Variants in SQSTM1 observed in about 807,000 individuals in gnomAD.
SQSTM1 encodes the protein sequestosome-1.
Under a neutral mutation model 45.1 loss-of-function variants are expected in SQSTM1, and 36 were observed. The ratio of observed to expected loss-of-function variants is 0.80; its 90% CI spans 0.61 to 1.05. SQSTM1 has a LOEUF of 1.05. SQSTM1 is among the 50% of genes least tolerant of loss of function. The pLI is 0.00. For missense variants in SQSTM1, 617 were observed against 607.1 expected, an observed-to-expected ratio of 1.02 and a Z score of -0.17; for synonymous variants, 290 against 244.3, an observed-to-expected ratio of 1.19 and a Z score of -1.74.
Position 179,823,879 on chromosome 5 carries a change from A to G in SQSTM1, c.323A>G (p.Asp108Gly), listed in dbSNP as rs1757885096. Residue 108 changes from aspartate to glycine, a missense_variant, in exon 3 of 8, where the codon GAC (aspartate) becomes GGC (glycine). Transcript: ENST00000389805. ...YIKEKKECRR[D>G]HRPPCAQEAP... ...GTAGAGAAAAAAGAGTGCCGGCGGG[A>G]CCACCGCCCACCGTGTGCTCAGGAG... 6.2e-7 allele frequency: 1 copy of G among 1,612,530 alleles called. No homozygotes were observed. Among genetic ancestry groups the G allele is most frequent in the African/African-American group, 1.3e-5 (1 of 74,910 alleles).
At chr5:179,834,572 GT>G (rs1464056839) in intron 7 of SQSTM1, among the ~76,000 whole-genome samples, 3 of 150,480 alleles carry the variant, frequency 2.0e-5, no homozygotes, top group African/African-American at 7.5e-5. Context: ...CTTCCGCAGC[GT>G]TTGTGTCCCT....
chr5:179,838,033 G>T lies in SQSTM1; in HGVS notation c.*1440G>T. ...AGGCTGGGACAGGCTTTGATTTTGAGGGTTAGCAAGACAAAGCAAATAAAT... is the reference window on the plus strand; with the variant it reads ...AGGCTGGGACAGGCTTTGATTTTGATGGTTAGCAAGACAAAGCAAATAAAT... On this transcript the variant is annotated 3_prime_UTR_variant, in exon 8 of 8. Coordinates refer to ENST00000389805, the MANE Select transcript of SQSTM1 (RefSeq NM_003900.5). 1 of 714,972 alleles carries T rather than the reference G, an allele frequency of 1.4e-6. No homozygotes were observed. Among genetic ancestry groups the T allele is most frequent in the East Asian group, 2.7e-5 (1 of 37,006 alleles). 44.3% of individuals were successfully genotyped at this position (714,972 alleles called of 1,614,324 possible).
Position 179,823,848 on chromosome 5 carries a change from C to T in SQSTM1, c.302-10C>T, listed in dbSNP as rs955957753. On this transcript the variant is annotated splice_polypyrimidine_tract_variant and intron_variant, in intron 2 of 7. Transcript: ENST00000389805. ...TCCCACCCTAGCGGCTCTCTTTACC[C>T]TTCCTGTAGAGAAAAAAGAGTGCCG... 3 of 1,610,308 alleles carry T rather than the reference C, an allele frequency of 1.9e-6. No individual in the cohort carries two copies. Among genetic ancestry groups the T allele is most frequent in the Non-Finnish European group, 2.5e-6 (3 of 1,179,804 alleles).
At chr5:179,823,495 T>C in intron 2 of SQSTM1, 1 of 261,230 alleles carries the variant, frequency 3.8e-6, no homozygotes, top group Non-Finnish European at 7.2e-6. Flanking sequence ...TTTTAAGTGC[T>C]GTGCCTGACC....
At chr5:179,828,369 C>CTTTTTTTTTTTTT (rs57483633) in intron 5 of SQSTM1, among the ~76,000 whole-genome samples, 2 of 98,300 alleles carry the variant, frequency 2.0e-5, no homozygotes, top group African/African-American at 4.0e-5. Flanking sequence ...TTTTTCTTAT[C>CTTTTTTTTTTTTT]TTTTTTTTTT....
At position 179,833,838 on chromosome 5, in the gene SQSTM1, G is replaced by C. The variant is rs1012744446; in HGVS notation, c.1165+56G>C. 6.4e-5 allele frequency: 101 copies of C among 1,574,398 alleles called. No individual in the cohort carries two copies. The Admixed American group carries it at 7.0e-4, about 11-fold the overall frequency. Reference sequence around the variant, plus strand: ...CCTACCTTTCCCTTTAGAGCATCCTGCCCTCCTCTGATTTCAGCGACACAA... The same window carrying C: ...CCTACCTTTCCCTTTAGAGCATCCTCCCCTCCTCTGATTTCAGCGACACAA... On this transcript the variant is annotated intron_variant, in intron 7 of 7. Transcript: ENST00000389805.
At chr5:179,834,860 G>GC (rs1296510105) in intron 7 of SQSTM1, among the ~76,000 whole-genome samples, 7 of 152,028 alleles carry the variant, frequency 4.6e-5, no homozygotes, top group Non-Finnish European at 4.4e-5. Context: ...ACCTTTCCCC[G>GC]CTTTCTATTC....
At chr5:179,809,912 G>A (rs1018747479) in intron 1 of SQSTM1, among the ~76,000 whole-genome samples, 2 of 151,804 alleles carry the variant, frequency 1.3e-5, no homozygotes, top group Non-Finnish European at 2.9e-5. Context: ...CCAAAGTGCT[G>A]GGATTACAGG....
In SQSTM1 at chr5:179,823,849, T is replaced by A; in HGVS notation, c.302-9T>A. 6.2e-7 allele frequency: 1 copy of A among 1,610,554 alleles called. No individual in the cohort carries two copies. Among genetic ancestry groups the A allele is most frequent in the Non-Finnish European group, 8.5e-7 (1 of 1,179,820 alleles). ...CCCACCCTAGCGGCTCTCTTTACCCTTCCTGTAGAGAAAAAAGAGTGCCGG... is the reference window on the plus strand; with the variant it reads ...CCCACCCTAGCGGCTCTCTTTACCCATCCTGTAGAGAAAAAAGAGTGCCGG... On this transcript the variant is annotated splice_polypyrimidine_tract_variant and intron_variant, in intron 2 of 7. Transcript: ENST00000389805.
chr5:179,821,031 AGGCGGAAGCCGAGGCTGC>A lies in SQSTM1; in HGVS notation c.101_118del (p.Glu34_Ala39del), dbSNP rs1757753971. 5 of 1,557,350 alleles carry A rather than the reference AGGCGGAAGCCGAGGCTGC, an allele frequency of 3.2e-6. No individual in the cohort carries two copies. Among genetic ancestry groups the A allele is most frequent in the Non-Finnish European group, 3.4e-6 (4 of 1,161,422 alleles). On this transcript the variant is annotated inframe_deletion, in exon 1 of 8. Coordinates refer to ENST00000389805, the MANE Select transcript of SQSTM1 (RefSeq NM_003900.5). The stretch of plus-strand genomic sequence containing the variant: ...AGCTTCTGCTGCAGCCCCGAGCCTG[AGGCGGAAGCCGAGGCTGC>A]GGCGGGTCCGGGACCCTGCGAGCGG...
chr5:179,814,881 C>T (rs1371808002), upstream of SQSTM1, among the ~76,000 whole-genome samples: 2 of 152,028 alleles, frequency 1.3e-5, no homozygotes, highest in Non-Finnish European at 2.9e-5. Flanking sequence ...ATGATCATAC[C>T]ACGGCACTCC....
intron 1 of SQSTM1, among the ~76,000 whole-genome samples, chr5:179,810,173 G>T (rs548908793): frequency 6.6e-6 from 1 of 151,926 alleles, no homozygotes; most frequent in Admixed American, 6.6e-5. Flanking sequence ...CAATTTGCAG[G>T]TTTGTTACAT....
rs1391182750 is a variant in SQSTM1, at chr5:179,833,782, G to C, written c.1165G>C (p.Glu389Gln). 1.9e-6 allele frequency: 3 copies of C among 1,613,940 alleles called. No individual in the cohort carries two copies. The highest frequency in any genetic ancestry group is 1.7e-6 in the Non-Finnish European group (2 of 1,180,032). Residue 389 changes from glutamate to glutamine, a missense_variant and splice_region_variant, in exon 7 of 8, where the codon GAG becomes CAG. Physicochemically the swap from Glu to Gln is conservative, Grantham distance 29 (BLOSUM62 2). Coordinates refer to ENST00000389805, the MANE Select transcript of SQSTM1 (RefSeq NM_003900.5). The stretch of plus-strand genomic sequence containing the variant: ...TGCCTTGTACCCACATCTCCCGCCA[G>C]GCAAGTGAACCAAGAGGTTTTGTAC... ...EAALYPHLPP[E>Q]ADPRLIESLS...
chr5:179,834,181 C>T (rs369613913), intron 7 of SQSTM1, among the ~76,000 whole-genome samples: 4 of 131,288 alleles, frequency 3.0e-5, no homozygotes, highest in African/African-American at 1.2e-4. Context: ...AGCCAAGATC[C>T]CTGTAGGAGC....
At chr5:179,810,156 A>C (rs1488319207) in intron 1 of SQSTM1, among the ~76,000 whole-genome samples, 1 of 152,016 alleles carries the variant, frequency 6.6e-6, no homozygotes, top group East Asian at 1.9e-4. Flanking sequence ...TCTAGGGTAC[A>C]TGTGCACAAT....
chr5:179,820,803 G>A (rs1757742426), upstream of SQSTM1: 3 of 859,826 alleles, frequency 3.5e-6, no homozygotes, highest in South Asian at 2.2e-5. Flanking sequence ...GCGCCGCGAC[G>A]ACGGTGGCGG....
In SQSTM1 at chr5:179,836,527, C is replaced by A. The variant is rs371720013; in HGVS notation, c.1257C>A (p.Thr419=). 1.9e-6 allele frequency: 3 copies of A among 1,614,208 alleles called. No homozygotes were observed. The highest frequency in any genetic ancestry group is 3.3e-5 in the Admixed American group (2 of 60,024). The stretch of plus-strand genomic sequence containing the variant: ...GCTGGCTCACCAGGCTCCTGCAGAC[C>A]AAGAACTATGACATCGGAGCGGCTC... ...EGGWLTRLLQ[T]KNYDIGAALD... is the part of the protein sequence containing the mutation. Residue 419 remains threonine (T), a synonymous_variant, in exon 8 of 8, where the codon ACC becomes ACA. Coordinates refer to ENST00000389805, the MANE Select transcript of SQSTM1 (RefSeq NM_003900.5).
chr5:179,833,211 A>G lies in SQSTM1; in HGVS notation c.934A>G (p.Arg312Gly), dbSNP rs545080321. Residue 312 changes from arginine (R) to glycine (G), a missense_variant, in exon 6 of 8, where the codon AGG (arginine) becomes GGG (glycine). Arg to Gly is a moderately radical substitution (Grantham distance 125). Transcript: ENST00000389805. ...CACGCAGTCTCTGGCGGAGCAGATG[A>G]GGAAGATCGCCTTGGAGTCCGAGGG... ...GATQSLAEQM[R>G]KIALESEGRP... 53 of 1,610,180 alleles carry G rather than the reference A, an allele frequency of 3.3e-5. No individual in the cohort carries two copies. In the African/African-American group the frequency reaches 7.1e-4, roughly 21 times the overall value.
chr5:179,821,640 GGA>G, intron 1 of SQSTM1: 1 of 413,772 alleles, frequency 2.4e-6, no homozygotes, highest in South Asian at 1.7e-5. Flanking sequence ...GGGGTGCGGG[GGA>G]CTCGCGAGCG....
Sources: gnomAD v4.1 joint callset for allele counts (sites outside exome capture counted in the v4.1 genomes callset) on GRCh38, gnomAD v4.1.1 for gene constraint, MANE v1.5 for transcripts, NCBI Gene and HGNC (gene_info 2026-07-23, HGNC 2026-07-21) for gene names.